The following AFF4 variants were observed in gnomAD, a reference collection of about 807,000 sequenced individuals.
AFF4 encodes the protein AF4/FMR2 family member 4.
Under a neutral mutation model 124.8 loss-of-function variants are expected in AFF4, and 13 were observed. That is an observed-to-expected ratio of 0.10 (90% CI 0.07 to 0.17). AFF4 has a LOEUF of 0.17. Among genes scored for constraint, AFF4 ranks in the 10% least tolerant of loss-of-function variants. The pLI, the probability that AFF4 is intolerant of heterozygous loss-of-function variation, is 1.00. For missense variants in AFF4, 1,092 were observed against 1,403.8 expected, an observed-to-expected ratio of 0.78 and a Z score of 3.55; for synonymous variants, 477 against 496.1, an observed-to-expected ratio of 0.96 and a Z score of 0.51.
intron 14 of AFF4, among the ~76,000 whole-genome samples, chr5:132,888,623 C>A (rs1013358572): frequency 6.6e-6 from 1 of 152,096 alleles, no homozygotes; most frequent in Non-Finnish European, 1.5e-5. Context: ...CGTACTTGGA[C>A]TAGTGGGTAC....
intron 1 of AFF4, among the ~76,000 whole-genome samples, chr5:132,962,540 C>T (rs573270714): frequency 1.3e-5 from 2 of 152,294 alleles, no homozygotes; most frequent in East Asian, 3.9e-4. Context: ...ACTCCCAAAA[C>T]TCCTGTACTC....
chr5:132,961,521 G>A (rs1438366539), intron 1 of AFF4, among the ~76,000 whole-genome samples: 2 of 152,094 alleles, frequency 1.3e-5, no homozygotes, highest in East Asian at 1.9e-4. Flanking sequence ...CACCAGGCCC[G>A]GCTGCAGAAT....
intron 1 of AFF4, 111 bp downstream of exon 1, chr5:132,963,148 G>A (rs1380367918): frequency 1.4e-5 from 5 of 364,896 alleles, no homozygotes; most frequent in Non-Finnish European, 1.5e-5. Flanking sequence ...CCAGCCCGGA[G>A]GGTCTCCCCG....
chr5:132,926,539 T>C (rs1226374348), intron 5 of AFF4, among the ~76,000 whole-genome samples: 1 of 96,536 alleles, frequency 1.0e-5, no homozygotes, highest in Non-Finnish European at 2.6e-5. Context: ...TACCACTGTC[T>C]TTTTTTTTTT....
chr5:132,957,222 T>C (rs1761984352), intron 1 of AFF4, among the ~76,000 whole-genome samples: 1 of 150,408 alleles, frequency 6.6e-6, no homozygotes, highest in African/African-American at 2.4e-5. Flanking sequence ...GTGCCTGTAG[T>C]CCTAGCTACT....
intron 6 of AFF4, among the ~76,000 whole-genome samples, chr5:132,903,364 T>C (rs1003857276): frequency 6.6e-6 from 1 of 152,224 alleles, no homozygotes; most frequent in African/African-American, 2.4e-5. Flanking sequence ...TCACTGAAGA[T>C]AAACTAAGGA....
intron 1 of AFF4, among the ~76,000 whole-genome samples, chr5:132,948,062 T>C (rs1761742292): frequency 6.6e-6 from 1 of 152,172 alleles, no homozygotes; most frequent in African/African-American, 2.4e-5. Flanking sequence ...AATTGTGCTT[T>C]TTTTTTTGAG....
intron 5 of AFF4, among the ~76,000 whole-genome samples, chr5:132,920,356 ATT>A (rs71581351): frequency 0.01 from 1,307 of 125,696 alleles, 11 homozygotes; most frequent in African/African-American, 0.029. Flanking sequence ...GCGGGCAAAC[ATT>A]TTTTTTTTTT....
Position 132,877,317 on chromosome 5 carries a change from C to A in AFF4, c.*3742G>T. On this transcript the variant is annotated 3_prime_UTR_variant, in exon 21 of 21. Transcript: ENST00000265343. Reference sequence around the variant, plus strand: ...ACGACACTACAGAAGGGCTCAAATACATTTTAAAAGTTAATTTACTACAAA... The same window carrying A: ...ACGACACTACAGAAGGGCTCAAATAAATTTTAAAAGTTAATTTACTACAAA... The A allele has an allele frequency of 4.7e-6, 1 of 211,898 alleles. No individual in the cohort carries two copies. The allele number at this position is 211,898 out of a possible 1,614,324, so 13.1% of individuals were successfully genotyped here. A position where few individuals can be genotyped will look rare whatever the true frequency, so the allele number is the denominator to read the frequency against.
At chr5:132,888,896 C>T (rs1760185452) in intron 14 of AFF4, among the ~76,000 whole-genome samples, 183 bp downstream of exon 14, 2 of 152,082 alleles carry the variant, frequency 1.3e-5, no homozygotes, top group Non-Finnish European at 2.9e-5. Context: ...CAGGGTTTCT[C>T]CATGTTGGTC....
In AFF4 at chr5:132,876,267, G is replaced by A. The variant is rs1467055988; in HGVS notation, c.*4792C>T. 5.6e-6 allele frequency: 1 copy of A among 177,728 alleles called. No homozygotes were observed. The highest frequency in any genetic ancestry group is 1.2e-5 in the Non-Finnish European group (1 of 86,550). 11.0% of individuals were successfully genotyped at this position (177,728 alleles called of 1,614,324 possible). On this transcript the variant is annotated 3_prime_UTR_variant, in exon 21 of 21. Transcript: ENST00000265343. ...ATGATTTGCCAGGTGTGTGCATAAA[G>A]TTGTAAAATGGGGACACTTCTGGAA...
In AFF4 at chr5:132,937,076, T is replaced by G; in HGVS notation, c.114A>C (p.Pro38=). The change falls in exon 2 of 21, where the codon CCA becomes CCC. Residue 38 remains proline, a synonymous_variant. Coordinates refer to ENST00000265343, the MANE Select transcript of AFF4 (RefSeq NM_014423.4). ...CAGAAGGGCAACTTACAACTTTGTA[T>G]GGCTCTGCAAAGAGAGGAGAGCTAG... ...FPPSSPLFAE[P]YKVTSKEDKL... The G allele has an allele frequency of 6.2e-7, 1 of 1,611,232 alleles. No homozygotes were observed. The highest frequency in any genetic ancestry group is 1.1e-5 in the South Asian group (1 of 90,726).
Position 132,896,784 on chromosome 5 carries a change from CCTT to C in AFF4, c.1843_1845del (p.Lys615del), listed in dbSNP as rs768885773. 30 of 1,614,092 alleles carry C rather than the reference CCTT, an allele frequency of 1.9e-5. No individual in the cohort carries two copies. The highest frequency in any genetic ancestry group is 2.0e-5 in the Non-Finnish European group (24 of 1,180,024). ...GTAGGTCGAGGGGAAGACTTAGACT[CCTT>C]CTTTATATTGGGTTTCCTTGAGCCT... On this transcript the variant is annotated inframe_deletion, in exon 11 of 21. Transcript: ENST00000265343.
chr5:132,945,615 G>A (rs988068404), intron 1 of AFF4, among the ~76,000 whole-genome samples: 3 of 152,126 alleles, frequency 2.0e-5, no homozygotes, highest in Non-Finnish European at 2.9e-5. Flanking sequence ...AGCTGGGCAT[G>A]GTGGTGGGCA....
intron 2 of AFF4, 57 bp from the exon 3 acceptor site, chr5:132,934,998 A>G (rs2150099151): frequency 2.6e-5 from 35 of 1,357,650 alleles, no homozygotes; most frequent in Non-Finnish European, 3.2e-5. Context: ...GAAATAAAAT[A>G]TAATTCTGAA....
chr5:132,931,891 C>A (rs1761307776), intron 4 of AFF4, among the ~76,000 whole-genome samples: 1 of 152,094 alleles, frequency 6.6e-6, no homozygotes, highest in Non-Finnish European at 1.5e-5. Context: ...TTGCAGTGAG[C>A]CAAGATCGCG....
At chr5:132,927,651 A>T (rs1353791048) in intron 4 of AFF4, 2 of 157,284 alleles carry the variant, frequency 1.3e-5, no homozygotes, top group Non-Finnish European at 2.8e-5. Context: ...TATGAGGTAG[A>T]TACCATTATT....
intron 18 of AFF4, among the ~76,000 whole-genome samples, chr5:132,885,856 C>T (rs1760105778): frequency 2.0e-5 from 3 of 152,160 alleles, no homozygotes; most frequent in Admixed American, 2.0e-4. Context: ...TCACTGCAGC[C>T]TCCGCCTCCA....
chr5:132,935,170 G>C (rs1388975682), intron 2 of AFF4, among the ~76,000 whole-genome samples: 1 of 151,752 alleles, frequency 6.6e-6, no homozygotes, highest in Admixed American at 6.6e-5. Context: ...AATATAATCC[G>C]AGCACAGTGG....
Sources: gnomAD v4.1 joint callset for allele counts (sites outside exome capture counted in the v4.1 genomes callset) on GRCh38, gnomAD v4.1.1 for gene constraint, MANE v1.5 for transcripts, NCBI Gene and HGNC (gene_info 2026-07-23, HGNC 2026-07-21) for gene names.